The following TUSC3 variants were observed in gnomAD, a reference collection of about 807,000 sequenced individuals.
TUSC3 encodes the protein dolichyl-diphosphooligosaccharide--protein glycosyltransferase subunit TUSC3.
In TUSC3, 45 loss-of-function variants were observed where a neutral mutation model predicts 44.8. The observed-to-expected ratio is 1.00, with a 90% CI of 0.79 to 1.29. TUSC3 has a LOEUF of 1.29. Among genes scored for constraint, TUSC3 ranks in the 50% most tolerant of loss-of-function variants. TUSC3 has a pLI of 0.00. For synonymous variants in TUSC3, 212 were observed against 152.9 expected (o/e 1.39, Z -2.85); for missense variants, 519 against 437.9 (o/e 1.19, Z -1.65).
intron 1 of TUSC3, among the ~76,000 whole-genome samples, chr8:15,448,576 G>A (rs768093315): frequency 6.6e-6 from 1 of 152,130 alleles, no homozygotes; most frequent in Non-Finnish European, 1.5e-5. Context: ...GTATGATGTA[G>A]AAGATTATTA....
At chr8:15,491,177 G>C (rs1227437667) in intron 2 of TUSC3, among the ~76,000 whole-genome samples, 1 of 152,008 alleles carries the variant, frequency 6.6e-6, no homozygotes, top group Non-Finnish European at 1.5e-5. Context: ...ACCTGCCTTT[G>C]TCTCAGTAGA....
intron 2 of TUSC3, among the ~76,000 whole-genome samples, chr8:15,632,622 A>G (rs1805823866): frequency 6.6e-6 from 1 of 152,180 alleles, no homozygotes; most frequent in Non-Finnish European, 1.5e-5. Flanking sequence ...TTAATTTATA[A>G]TGTTTGTCTG....
At chr8:15,595,216 T>C (rs890235626) in intron 1 of TUSC3, among the ~76,000 whole-genome samples, 3 of 152,218 alleles carry the variant, frequency 2.0e-5, no homozygotes, top group African/African-American at 4.8e-5. Context: ...AGATAGATAC[T>C]TTTCCCAGCC....
At chr8:15,685,349 C>G (rs117078636) in intron 6 of TUSC3, among the ~76,000 whole-genome samples, 1,847 of 152,192 alleles carry the variant, frequency 0.012, 21 homozygotes, top group Non-Finnish European at 0.021. Context: ...CTTCCTCCCT[C>G]TTTAATCACA....
intron 10 of TUSC3, chr8:15,758,057 C>A: frequency 1.5e-6 from 2 of 1,376,978 alleles, no homozygotes; most frequent in East Asian, 2.7e-5. Context: ...AAAATGTCTA[C>A]CAAAAGACTG....
chr8:15,428,293 A>G (rs879238874), intron 1 of TUSC3, among the ~76,000 whole-genome samples: 1 of 151,966 alleles, frequency 6.6e-6, no homozygotes, highest in African/African-American at 2.4e-5. Context: ...TACAAAGGAC[A>G]TGAACTCATC....
At chr8:15,736,008 A>T (rs180978515) in intron 7 of TUSC3, among the ~76,000 whole-genome samples, 1 of 152,100 alleles carries the variant, frequency 6.6e-6, no homozygotes, top group South Asian at 2.1e-4. Flanking sequence ...GATTACAGGC[A>T]TGAGCCACCA....
At chr8:15,540,840 T>C (rs1215156478) in intron 1 of TUSC3, among the ~76,000 whole-genome samples, 2 of 152,198 alleles carry the variant, frequency 1.3e-5, no homozygotes, top group South Asian at 4.1e-4. Context: ...TATTCCCAGC[T>C]GGAAGCCCAG....
chr8:15,499,591 A>G (rs937200419), intron 2 of TUSC3, among the ~76,000 whole-genome samples: 4 of 152,136 alleles, frequency 2.6e-5, no homozygotes, highest in African/African-American at 7.2e-5. Flanking sequence ...TTATAATCCA[A>G]TGCTCATTCT....
chr8:15,736,558 A>T (rs73665490), intron 7 of TUSC3, among the ~76,000 whole-genome samples: 4,477 of 152,260 alleles, frequency 0.029, 70 homozygotes, highest in East Asian at 0.051. Context: ...TAATGAGATA[A>T]TCTTAAATCT....
chr8:15,673,559 G>T (rs1453860524), intron 5 of TUSC3, among the ~76,000 whole-genome samples, 188 bp from the exon 6 acceptor site: 1 of 152,028 alleles, frequency 6.6e-6, no homozygotes, highest in Admixed American at 6.6e-5. Context: ...TATAGATACG[G>T]AATCTGAGAT....
chr8:15,831,473 G>T, the TUSC3 span, among the ~76,000 whole-genome samples: 1 of 152,078 alleles, frequency 6.6e-6, no homozygotes, highest in African/African-American at 2.4e-5. Context: ...GACAGAAATA[G>T]CAACCAGAAT....
the TUSC3 span, among the ~76,000 whole-genome samples, chr8:15,771,667 A>T: frequency 5.9e-4 from 90 of 152,192 alleles, no homozygotes; most frequent in African/African-American, 2.1e-3. Context: ...ATCACAGAAG[A>T]AGTCATAATG....
Position 15,662,236 on chromosome 8 carries a change from T to C in TUSC3, c.648T>C (p.Tyr216=), listed in dbSNP as rs759856125. The change falls in exon 5 of 11, where the codon TAT becomes TAC. Residue 216 remains tyrosine, a synonymous_variant. Transcript: ENST00000503731. The stretch of plus-strand genomic sequence containing the variant: ...TGTCGCTTGTTGGAGGTTTGCTTTA[T>C]TTGAGAAGGAACAACTTGGAGTTCA... The part of the protein sequence containing the change: ...LLVSLVGGLL[Y]LRRNNLEFIY... 5.6e-6 allele frequency: 9 copies of C among 1,613,128 alleles called. No homozygotes were observed. In the Admixed American group the frequency reaches 1.5e-4, roughly 27 times the overall value.
chr8:15,745,525 G>A (rs1390897936), intron 8 of TUSC3, among the ~76,000 whole-genome samples: 1 of 151,830 alleles, frequency 6.6e-6, no homozygotes, highest in African/African-American at 2.4e-5. Context: ...ATCTCATTGT[G>A]GTTTTGATTT....
rs1051923630 is a variant in TUSC3, at chr8:15,418,952, G to A, written n.91+1647G>A. 7.2e-5 allele frequency among the ~76,000 whole-genome samples: 11 copies of A among 152,214 alleles called. No individual in the cohort carries two copies. The East Asian group carries it at 2.1e-3, about 29-fold the overall frequency. ...GCCCTGGAGGTTGAGGCTGCAGTGA[G>A]CCATGATCAAACACTGCACTCCAGC... On this transcript the variant is annotated intron_variant and non_coding_transcript_variant, in intron 1 of 5. Transcript: ENST00000503191.
chr8:15,712,542 A>G (rs1809899351), intron 6 of TUSC3, among the ~76,000 whole-genome samples: 1 of 151,776 alleles, frequency 6.6e-6, no homozygotes, highest in African/African-American at 2.4e-5. Context: ...TCCTATTTCC[A>G]TCACCCCTTT....
chr8:15,717,871 G>T (rs996721046), intron 6 of TUSC3, among the ~76,000 whole-genome samples: 1 of 151,996 alleles, frequency 6.6e-6, no homozygotes, highest in African/African-American at 2.4e-5. Flanking sequence ...ATCATATTCT[G>T]CTAAATCTTG....
chr8:15,794,874 C>T, the TUSC3 span, among the ~76,000 whole-genome samples: 1 of 152,146 alleles, frequency 6.6e-6, no homozygotes, highest in African/African-American at 2.4e-5. Flanking sequence ...TCTGGACAAA[C>T]ATCCTCTAAA....
Sources: gnomAD v4.1 joint callset for allele counts (sites outside exome capture counted in the v4.1 genomes callset) on GRCh38, gnomAD v4.1.1 for gene constraint, MANE v1.5 for transcripts, NCBI Gene and HGNC (gene_info 2026-07-23, HGNC 2026-07-21) for gene names.